Variants in SUMF1 observed in about 807,000 individuals in gnomAD.
SUMF1 encodes the protein sulfatase modifying factor 1.
In SUMF1, 48 loss-of-function variants were observed where a neutral mutation model predicts 47.6. The observed-to-expected ratio is 1.01, with a 90% CI of 0.80 to 1.28. SUMF1 has a LOEUF of 1.28. Among genes scored for constraint, SUMF1 ranks in the 50% most tolerant of loss-of-function variants. SUMF1 has a pLI of 0.00. For missense variants in SUMF1, 571 were observed against 485.4 expected, an observed-to-expected ratio of 1.18 and a Z score of -1.66; for synonymous variants, 230 against 192.1, an observed-to-expected ratio of 1.20 and a Z score of -1.63.
At chr3:4,331,924 A>C (rs1699059945) in intron 8 of SUMF1, among the ~76,000 whole-genome samples, 1 of 152,248 alleles carries the variant, frequency 6.6e-6, no homozygotes, top group African/African-American at 2.4e-5. Context: ...ATGCCTTAAA[A>C]CATCTGGTAG....
Position 4,362,063 on chromosome 3 carries a change from G to T in SUMF1, c.*81C>A. ...CCTCAGGGTGGGAATTCTTTGCATG[G>T]GATCGTTCAAAGTTCTGAGAAAAGC... is the stretch of plus-strand genomic sequence containing the variant. On this transcript the variant is annotated 3_prime_UTR_variant, in exon 9 of 9. Coordinates refer to ENST00000272902, the MANE Select transcript of SUMF1 (RefSeq NM_182760.4). 1.5e-6 allele frequency: 2 copies of T among 1,361,356 alleles called. No homozygotes were observed. Among genetic ancestry groups the T allele is most frequent in the Non-Finnish European group, 2.1e-6 (2 of 957,702 alleles). 84.3% of individuals were successfully genotyped at this position (1,361,356 alleles called of 1,614,324 possible).
intron 8 of SUMF1, among the ~76,000 whole-genome samples, chr3:4,295,443 T>C (rs924771392): frequency 6.6e-6 from 1 of 151,826 alleles, no homozygotes; most frequent in Non-Finnish European, 1.5e-5. Context: ...CAGAAAAGGC[T>C]GGTGGTGTGC....
chr3:4,211,226 A>ATATATATATATATC (rs1457657885), intron 8 of SUMF1, among the ~76,000 whole-genome samples: 1 of 136,908 alleles, frequency 7.3e-6, no homozygotes, highest in Non-Finnish European at 1.5e-5. Flanking sequence ...ATATATATAT[A>ATATATATATATATC]TCCTATTAGT....
intron 8 of SUMF1, among the ~76,000 whole-genome samples, chr3:4,122,144 C>G (rs562313382): frequency 6.6e-6 from 1 of 152,122 alleles, no homozygotes; most frequent in South Asian, 2.1e-4. Flanking sequence ...GATTCCATGT[C>G]TTTGCTATGG....
At chr3:4,448,887 C>T (rs1226411783) in intron 3 of SUMF1, among the ~76,000 whole-genome samples, 1 of 152,210 alleles carries the variant, frequency 6.6e-6, no homozygotes, top group Non-Finnish European at 1.5e-5. Context: ...TCCACACCAG[C>T]ACCTGAGGAG....
At chr3:4,442,521 C>A (rs925772305) in intron 3 of SUMF1, among the ~76,000 whole-genome samples, 4 of 151,566 alleles carry the variant, frequency 2.6e-5, no homozygotes, top group African/African-American at 4.9e-5. Flanking sequence ...GGCCTCCCCA[C>A]CATGAACTCT....
At position 4,362,088 on chromosome 3, in the gene SUMF1, C is replaced by T. The variant is rs1461285709; in HGVS notation, c.*56G>A. Reference sequence around the variant, plus strand: ...GGATCGTTCAAAGTTCTGAGAAAAGCCCAATGTAGGTCAGACACGACTGCT... The same window carrying T: ...GGATCGTTCAAAGTTCTGAGAAAAGTCCAATGTAGGTCAGACACGACTGCT... On this transcript the variant is annotated 3_prime_UTR_variant, in exon 9 of 9. Transcript: ENST00000272902. 3.7e-5 allele frequency: 56 copies of T among 1,526,234 alleles called. No individual in the cohort carries two copies. The highest frequency in any genetic ancestry group is 2.1e-4 in the Middle Eastern group (1 of 4,766). 94.5% of individuals were successfully genotyped at this position (1,526,234 alleles called of 1,614,324 possible).
At chr3:4,367,083 G>T (rs1373908577) in intron 8 of SUMF1, among the ~76,000 whole-genome samples, 5 of 152,116 alleles carry the variant, frequency 3.3e-5, no homozygotes, top group Non-Finnish European at 7.4e-5. Flanking sequence ...TGGAAGTTTT[G>T]TCTCAGAGGA....
chr3:4,421,192 G>A (rs1701886844), intron 3 of SUMF1, among the ~76,000 whole-genome samples: 1 of 152,198 alleles, frequency 6.6e-6, no homozygotes, highest in Non-Finnish European at 1.5e-5. Context: ...TTTGAATCAT[G>A]GCTCTGCTGT....
intron 8 of SUMF1, among the ~76,000 whole-genome samples, chr3:4,374,789 G>A (rs1290697385): frequency 6.6e-6 from 1 of 152,158 alleles, no homozygotes; most frequent in East Asian, 1.9e-4. Context: ...AGCAATCTGG[G>A]ATTAAAGACT....
chr3:4,081,631 C>G (rs1184186614), intron 8 of SUMF1, among the ~76,000 whole-genome samples: 1 of 152,050 alleles, frequency 6.6e-6, no homozygotes, highest in African/African-American at 2.4e-5. Context: ...TTGACCATGG[C>G]CAGGTTACTT....
intron 8 of SUMF1, among the ~76,000 whole-genome samples, chr3:4,180,213 T>C (rs554248904): frequency 4.6e-5 from 7 of 152,316 alleles, no homozygotes; most frequent in East Asian, 3.9e-4. Flanking sequence ...CAAAGGATTA[T>C]AAATCATGCT....
At chr3:4,356,508 C>G (rs1054484160), downstream of SUMF1, among the ~76,000 whole-genome samples, 3 of 152,082 alleles carry the variant, frequency 2.0e-5, no homozygotes, top group Admixed American at 6.6e-5. Context: ...ACGACCCTTT[C>G]TTACATTTAT....
At chr3:4,343,766 T>C (rs1198385198) in intron 8 of SUMF1, among the ~76,000 whole-genome samples, 1 of 152,206 alleles carries the variant, frequency 6.6e-6, no homozygotes, top group Non-Finnish European at 1.5e-5. Flanking sequence ...CAATTTGAAA[T>C]AACCATATGT....
intron 8 of SUMF1, among the ~76,000 whole-genome samples, chr3:4,240,005 T>A (rs984050293): frequency 1.3e-5 from 2 of 152,204 alleles, no homozygotes; most frequent in Non-Finnish European, 2.9e-5. Flanking sequence ...TGAAGGCCCT[T>A]TCTCCATCTA....
At chr3:4,153,431 G>A (rs1438989791) in intron 8 of SUMF1, among the ~76,000 whole-genome samples, 1 of 150,586 alleles carries the variant, frequency 6.6e-6, no homozygotes, top group East Asian at 1.9e-4. Flanking sequence ...GCCCCAGCTG[G>A]TCTTGAATGC....
At chr3:4,404,918 A>G (rs937303250) in intron 7 of SUMF1, among the ~76,000 whole-genome samples, 2 of 152,194 alleles carry the variant, frequency 1.3e-5, no homozygotes, top group Non-Finnish European at 1.5e-5. Context: ...GGGACCATCA[A>G]TGGGTATGAA....
intron 8 of SUMF1, among the ~76,000 whole-genome samples, chr3:4,141,529 G>A (rs953542424): frequency 4.6e-5 from 7 of 152,128 alleles, no homozygotes; most frequent in South Asian, 2.1e-4. Flanking sequence ...CAACTCAAGC[G>A]GCTCACATCT....
intron 8 of SUMF1, among the ~76,000 whole-genome samples, chr3:4,338,616 C>T (rs550483178): frequency 3.9e-5 from 6 of 152,068 alleles, no homozygotes; most frequent in Admixed American, 2.0e-4. Context: ...GAAATCAGGA[C>T]GCAAAGCAAT....
Sources: allele counts gnomAD v4.1 joint callset (sites outside exome capture counted in the v4.1 genomes callset), GRCh38; gene constraint gnomAD v4.1.1; transcripts MANE v1.5; gene names NCBI Gene and HGNC (gene_info 2026-07-23, HGNC 2026-07-21).